TNS3: variants seen among roughly 807,000 people sequenced by gnomAD.
TNS3 encodes tensin 3.
Under a neutral mutation model 140.9 loss-of-function variants are expected in TNS3, and 45 were observed. The observed-to-expected ratio is 0.32, with a 90% CI of 0.25 to 0.41. TNS3 has a LOEUF of 0.41. TNS3 is among the 10% of genes least tolerant of loss of function. The probability of loss-of-function intolerance (pLI) is 1.00; values close to 1 mark genes in which losing one functional copy is unlikely to be tolerated. For missense variants in TNS3, 1,716 were observed against 1,906.7 expected, an observed-to-expected ratio of 0.90 and a Z score of 1.86; for synonymous variants, 815 against 788.4, an observed-to-expected ratio of 1.03 and a Z score of -0.56.
intron 10 of TNS3, 46 bp from the exon 11 acceptor site, chr7:47,415,252 C>CAGAGGCTGAAGA: frequency 7.1e-7 from 1 of 1,415,486 alleles, no homozygotes; most frequent in Non-Finnish European, 9.7e-7. Context: ...GTGTCTTCAG[C>CAGAGGCTGAAGA]CTCTGCTGAG....
intron 8 of TNS3, among the ~76,000 whole-genome samples, chr7:47,434,575 C>G (rs958024137): frequency 1.3e-5 from 2 of 152,192 alleles, no homozygotes; most frequent in African/African-American, 4.8e-5. Context: ...TCAGTCCAAC[C>G]CCTTTCAACA....
rs535419127 is a variant in TNS3, at chr7:47,500,693, AG to A, written c.-115+6213del. ...AACCATCTTCCTGAAGCTATTGTAA[AG>A]GGTACAAATAGGGGCAGGAAAGAGA... On this transcript the variant is annotated intron_variant, in intron 3 of 30. Coordinates refer to ENST00000311160, the MANE Select transcript of TNS3 (RefSeq NM_022748.12). 3.5e-3 allele frequency among the ~76,000 whole-genome samples: 535 copies of A among 152,322 alleles called. 5 individuals carry two copies. Among genetic ancestry groups the A allele is most frequent in the African/African-American group, 0.012 (507 of 41,572 alleles).
chr7:47,426,992 G>A (rs1482706360), intron 9 of TNS3, among the ~76,000 whole-genome samples: 1 of 151,970 alleles, frequency 6.6e-6, no homozygotes, highest in African/African-American at 2.4e-5. Flanking sequence ...TGGGCATCTT[G>A]GCACACACCT....
intron 1 of TNS3, among the ~76,000 whole-genome samples, chr7:47,561,650 T>G (rs1246569753): frequency 6.6e-6 from 1 of 152,134 alleles, no homozygotes; most frequent in Non-Finnish European, 1.5e-5. Context: ...TAAAATTTGC[T>G]GAATAAGTAA....
intron 16 of TNS3, among the ~76,000 whole-genome samples, chr7:47,387,698 A>T (rs1792154425): frequency 6.6e-6 from 1 of 152,256 alleles, no homozygotes; most frequent in African/African-American, 2.4e-5. Context: ...TAGATGAGAC[A>T]GTCTTGCATG....
At chr7:47,450,587 A>T (rs1471328834) in intron 4 of TNS3, among the ~76,000 whole-genome samples, 2 of 152,136 alleles carry the variant, frequency 1.3e-5, no homozygotes, top group African/African-American at 4.8e-5. Flanking sequence ...CCTCCCTAAG[A>T]CCCAAGACCC....
At chr7:47,437,882 G>C (rs1220538041) in intron 6 of TNS3, among the ~76,000 whole-genome samples, 1 of 150,792 alleles carries the variant, frequency 6.6e-6, no homozygotes, top group Non-Finnish European at 1.5e-5. Context: ...ATAGAGAGGT[G>C]GTACATGGTG....
Position 47,278,142 on chromosome 7 carries a change from C to T in TNS3, c.4272G>A (p.Glu1424=), listed in dbSNP as rs1562750021. 1.2e-6 allele frequency: 2 copies of T among 1,614,150 alleles called. No individual in the cohort carries two copies. The highest frequency in any genetic ancestry group is 1.7e-6 in the Non-Finnish European group (2 of 1,180,026). ...VCHLFAEHDP[E]QPASAIVNFV... is the part of the protein sequence containing the mutation. ...AGTTGACAATGGCACTGGCAGGCTG[C>T]TCAGGGTCATGCTCTGCAAACAGGT... Residue 1424 remains glutamate, a synonymous_variant, in exon 31 of 31, where the codon GAG becomes GAA. Coordinates refer to ENST00000311160, the MANE Select transcript of TNS3 (RefSeq NM_022748.12).
intron 20 of TNS3, among the ~76,000 whole-genome samples, chr7:47,314,860 G>A (rs985620336): frequency 2.0e-5 from 3 of 152,208 alleles, no homozygotes; most frequent in Non-Finnish European, 1.5e-5. Flanking sequence ...CCCTGCGCCT[G>A]TGGCAGCCTG....
chr7:47,489,896 T>C (rs1797748614), intron 3 of TNS3, among the ~76,000 whole-genome samples: 1 of 152,150 alleles, frequency 6.6e-6, no homozygotes, highest in Non-Finnish European at 1.5e-5. Context: ...AAGCATCTCA[T>C]GGTGCAGCCG....
chr7:47,530,838 A>AAAAATATATAT, intron 1 of TNS3, among the ~76,000 whole-genome samples: 48 of 54,546 alleles, frequency 8.8e-4, no homozygotes, highest in Admixed American at 1.8e-3. Flanking sequence ...AAAAAAAAAA[A>AAAAATATATAT]ATATATATAT....
rs1351762054 is a variant in TNS3 at position 47,368,712 on chromosome 7, C to G, written c.1934G>C (p.Arg645Thr). ...GGGATGTGGCCCACTGCCTACACCCCTCTGGACAGCCACCCTACTGCTGGT... is the reference window on the plus strand; with the variant it reads ...GGGATGTGGCCCACTGCCTACACCCGTCTGGACAGCCACCCTACTGCTGGT... Reference protein sequence around the residue: ...RGTSSRVAVQRGVGSGPHPPD... With the variant: ...RGTSSRVAVQTGVGSGPHPPD... Residue 645 changes from arginine to threonine, a missense_variant, in exon 17 of 31, where the codon AGG becomes ACG. By Grantham distance (71) the Arg-to-Thr change is moderately conservative. This residue lies in a region of TNS3 where 1,163 missense variants were observed against 1,182.1 expected (regional missense o/e 0.98). Transcript: ENST00000311160. 1 of 1,579,012 alleles carries G rather than the reference C, an allele frequency of 6.3e-7. No individual in the cohort carries two copies. Among genetic ancestry groups the G allele is most frequent in the Non-Finnish European group, 8.6e-7 (1 of 1,162,294 alleles).
At chr7:47,366,455 G>A (rs555125926) in intron 17 of TNS3, among the ~76,000 whole-genome samples, 24 of 152,142 alleles carry the variant, frequency 1.6e-4, no homozygotes, top group Non-Finnish European at 2.8e-4. Flanking sequence ...CACCTTCCCC[G>A]GGCCAGGCAC....
At chr7:47,393,956 T>C (rs887621785) in intron 16 of TNS3, among the ~76,000 whole-genome samples, 1 of 151,944 alleles carries the variant, frequency 6.6e-6, no homozygotes, top group African/African-American at 2.4e-5. Context: ...GACCCAACTC[T>C]CGGTGACACA....
At chr7:47,556,743 G>A (rs1043371303) in intron 1 of TNS3, among the ~76,000 whole-genome samples, 3 of 152,364 alleles carry the variant, frequency 2.0e-5, no homozygotes, top group Non-Finnish European at 4.4e-5. Flanking sequence ...TTCAGGGGCT[G>A]CAAAGTGCGG....
chr7:47,430,618 G>A (rs1412388327), intron 8 of TNS3, among the ~76,000 whole-genome samples: 5 of 152,040 alleles, frequency 3.3e-5, no homozygotes, highest in Admixed American at 3.3e-4. Flanking sequence ...ATCAGAATAC[G>A]CATTCTTCTG....
At chr7:47,331,710 T>C (rs926369991) in intron 20 of TNS3, among the ~76,000 whole-genome samples, 5 of 152,244 alleles carry the variant, frequency 3.3e-5, no homozygotes, top group African/African-American at 1.2e-4. Flanking sequence ...TGTGTGCATA[T>C]ATAAGTGCAT....
intron 20 of TNS3, among the ~76,000 whole-genome samples, chr7:47,334,565 T>C (rs1412259166): frequency 1.3e-5 from 2 of 151,342 alleles, no homozygotes; most frequent in African/African-American, 4.9e-5. Context: ...TAAAAAATTA[T>C]GAAATAGTTT....
chr7:47,560,790 A>G (rs1479712481), intron 1 of TNS3, among the ~76,000 whole-genome samples: 1 of 152,134 alleles, frequency 6.6e-6, no homozygotes, highest in Non-Finnish European at 1.5e-5. Flanking sequence ...AATGTCCTGG[A>G]GCCTGGAGCC....
Sources: allele counts gnomAD v4.1 joint callset (sites outside exome capture counted in the v4.1 genomes callset), GRCh38; gene constraint gnomAD v4.1.1; regional missense constraint gnomAD v4.1.1; transcripts MANE v1.5; gene names NCBI Gene and HGNC (gene_info 2026-07-23, HGNC 2026-07-21).